VPS8: variants seen among roughly 807,000 people sequenced by gnomAD.
The protein encoded by VPS8 is VPS8 subunit of CORVET complex, also known as vacuolar protein sorting-associated protein 8 homolog.
In VPS8, 129 loss-of-function variants were observed where a neutral mutation model predicts 216.4. The ratio of observed to expected loss-of-function variants is 0.60; its 90% CI spans 0.52 to 0.69. The LOEUF (loss-of-function observed/expected upper bound fraction) is 0.69. Among genes scored for constraint, VPS8 ranks in the 30% least tolerant of loss-of-function variants. The pLI, the probability that VPS8 is intolerant of heterozygous loss-of-function variation, is 0.00. For synonymous variants in VPS8, 571 were observed against 565.4 expected (o/e 1.01, Z -0.14); for missense variants, 1,531 against 1,683.5 (o/e 0.91, Z 1.59).
chr3:184,823,332 T>G (rs902680465), intron 1 of VPS8, among the ~76,000 whole-genome samples: 6 of 152,224 alleles, frequency 3.9e-5, no homozygotes, highest in Admixed American at 6.5e-5. Context: ...GACAATATAG[T>G]GAGACTCCAT....
chr3:184,875,056 C>CTTTTTTT (rs5855044), intron 21 of VPS8, among the ~76,000 whole-genome samples: 4 of 100,288 alleles, frequency 4.0e-5, no homozygotes, highest in Non-Finnish European at 3.8e-5. Context: ...GTTTTTAAAA[C>CTTTTTTT]TTTTTTTTTT....
intron 25 of VPS8, among the ~76,000 whole-genome samples, chr3:184,913,266 A>G (rs1435403308): frequency 6.6e-6 from 1 of 152,198 alleles, no homozygotes; most frequent in Non-Finnish European, 1.5e-5. Context: ...TTAGGCCAAC[A>G]GTACATAGAT....
At chr3:184,896,874 TATAG>T in intron 23 of VPS8, among the ~76,000 whole-genome samples, 1 of 152,314 alleles carries the variant, frequency 6.6e-6, no homozygotes, top group East Asian at 1.9e-4. Flanking sequence ...ATTGGCTAAT[TATAG>T]ATAGTCTTTT....
chr3:184,925,609 A>G (rs912720232), intron 30 of VPS8, among the ~76,000 whole-genome samples: 2 of 152,120 alleles, frequency 1.3e-5, no homozygotes, highest in Non-Finnish European at 2.9e-5. Flanking sequence ...TTAGTGTGTT[A>G]TTATTAGCAG....
chr3:185,010,703 A>G (rs988940319), intron 45 of VPS8, among the ~76,000 whole-genome samples: 13 of 152,176 alleles, frequency 8.5e-5, no homozygotes, highest in African/African-American at 2.9e-4. Flanking sequence ...CACAGAAAGA[A>G]GACTAAACAG....
At chr3:184,819,898 GAT>G (rs1717183377) in intron 1 of VPS8, among the ~76,000 whole-genome samples, 1 of 152,168 alleles carries the variant, frequency 6.6e-6, no homozygotes, top group Admixed American at 6.5e-5. Flanking sequence ...CTAAAGAAAA[GAT>G]ATTAAGATTC....
At chr3:184,953,503 A>G (rs1745068682) in intron 36 of VPS8, among the ~76,000 whole-genome samples, 1 of 152,196 alleles carries the variant, frequency 6.6e-6, no homozygotes, top group Admixed American at 6.5e-5. Flanking sequence ...GACTCTCTTC[A>G]GACCCTTTAG....
At chr3:185,027,461 C>A (rs1306127283) in intron 46 of VPS8, among the ~76,000 whole-genome samples, 2 of 151,732 alleles carry the variant, frequency 1.3e-5, no homozygotes, top group African/African-American at 2.4e-5. Context: ...CCAGGATGGT[C>A]TCGATCTCCT....
intron 22 of VPS8, among the ~76,000 whole-genome samples, chr3:184,887,518 A>G (rs1051531294): frequency 6.6e-6 from 1 of 151,958 alleles, no homozygotes; most frequent in African/African-American, 2.4e-5. Context: ...GGTAGGGATT[A>G]TTATCATCCA....
At chr3:185,036,981 C>T (rs1183101217) in intron 46 of VPS8, among the ~76,000 whole-genome samples, 1 of 151,028 alleles carries the variant, frequency 6.6e-6, no homozygotes, top group Non-Finnish European at 1.5e-5. Context: ...TATATGACTG[C>T]TTTTTAAAAT....
intron 22 of VPS8, chr3:184,893,259 C>A (rs971135920): frequency 1.6e-6 from 2 of 1,287,814 alleles, no homozygotes; most frequent in Non-Finnish European, 2.0e-6. Flanking sequence ...AAAACCCCAT[C>A]CTAGTCCTTT....
At chr3:184,833,166 T>A (rs1443712200) in intron 4 of VPS8, among the ~76,000 whole-genome samples, 1 of 152,054 alleles carries the variant, frequency 6.6e-6, no homozygotes, top group Non-Finnish European at 1.5e-5. Context: ...CGCACCTCCC[T>A]GTCATCCGCA....
chr3:185,038,409 T>C (rs1284589990), intron 46 of VPS8, among the ~76,000 whole-genome samples: 1 of 152,240 alleles, frequency 6.6e-6, no homozygotes, highest in Non-Finnish European at 1.5e-5. Context: ...TTTTAAGTAA[T>C]AGTTTCTGGG....
intron 45 of VPS8, among the ~76,000 whole-genome samples, chr3:185,016,061 G>A (rs1167801576): frequency 1.3e-5 from 2 of 152,184 alleles, no homozygotes; most frequent in Non-Finnish European, 2.9e-5. Context: ...TAGTTGCCGA[G>A]GGCTAGTGAG....
At chr3:184,984,536 G>C (rs1173744736) in intron 42 of VPS8, among the ~76,000 whole-genome samples, 1 of 151,702 alleles carries the variant, frequency 6.6e-6, no homozygotes, top group African/African-American at 2.4e-5. Flanking sequence ...CAGGTGATCC[G>C]CCCGCCTCAG....
At chr3:184,822,118 A>G (rs556172271) in intron 1 of VPS8, among the ~76,000 whole-genome samples, 8 of 152,294 alleles carry the variant, frequency 5.3e-5, no homozygotes, top group African/African-American at 1.7e-4. Context: ...AGGAACTCAT[A>G]AAGTCCAGAT....
At chr3:184,904,428 A>T (rs1735113818) in intron 25 of VPS8, among the ~76,000 whole-genome samples, 1 of 152,218 alleles carries the variant, frequency 6.6e-6, no homozygotes, top group South Asian at 2.1e-4. Context: ...ATTTTATCAG[A>T]TGCTTTTTCT....
intron 34 of VPS8, among the ~76,000 whole-genome samples, chr3:184,934,573 G>T (rs1453333724): frequency 6.6e-6 from 1 of 152,054 alleles, no homozygotes; most frequent in Non-Finnish European, 1.5e-5. Context: ...TTACTGTAAG[G>T]ATTTTTATGG....
At chr3:184,849,840 T>C in intron 9 of VPS8, 96 bp from the exon 10 acceptor site, 1 of 888,922 alleles carries the variant, frequency 1.1e-6, no homozygotes, top group South Asian at 1.5e-5. Flanking sequence ...GCAATGTTTA[T>C]AGTCAAGGAA....
Sources: gnomAD v4.1 joint callset for allele counts (sites outside exome capture counted in the v4.1 genomes callset) on GRCh38, gnomAD v4.1.1 for gene constraint, MANE v1.5 for transcripts, NCBI Gene and HGNC (gene_info 2026-07-23, HGNC 2026-07-21) for gene names.